The following KCNJ6 variants were observed in gnomAD, a reference collection of about 807,000 sequenced individuals.
KCNJ6 encodes the protein G protein-activated inward rectifier potassium channel 2.
Under a neutral mutation model 34.2 loss-of-function variants are expected in KCNJ6, and 9 were observed. The observed-to-expected ratio is 0.26, with a 90% CI of 0.16 to 0.46. KCNJ6 has a LOEUF of 0.46. Among genes scored for constraint, KCNJ6 ranks in the 20% least tolerant of loss-of-function variants. KCNJ6 has a pLI of 1.00. For missense variants in KCNJ6, 236 were observed against 531.3 expected, an observed-to-expected ratio of 0.44 and a Z score of 5.46; for synonymous variants, 196 against 207.1, an observed-to-expected ratio of 0.95 and a Z score of 0.46.
At position 37,729,335 on chromosome 21, in the gene KCNJ6, G is replaced by T. The variant is rs377737689; in HGVS notation, c.26-14204C>A. ...CAATACCCTGATTCTTCTTCTTTTT[G>T]GGGGGGGGGGCAGGGTCTCACTCTG... On this transcript the variant is annotated intron_variant, in intron 2 of 3. Coordinates refer to ENST00000609713, the MANE Select transcript of KCNJ6 (RefSeq NM_002240.5). Among the ~76,000 whole-genome samples the T allele has an allele frequency of 2.5e-4, 12 of 47,488 alleles. No homozygotes were observed. In the Middle Eastern group the frequency reaches 0.03, roughly 119 times the overall value. 31.2% of individuals were successfully genotyped at this position (47,488 alleles called of 152,430 possible).
At chr21:37,702,480 CATTT>C (rs1403080625) in intron 3 of KCNJ6, among the ~76,000 whole-genome samples, 9 of 152,080 alleles carry the variant, frequency 5.9e-5, no homozygotes, top group Non-Finnish European at 1.3e-4. Context: ...CTCAGGATAA[CATTT>C]ATGGCCCTGG....
intron 1 of KCNJ6, among the ~76,000 whole-genome samples, chr21:37,885,792 C>A (rs937951316): frequency 2.0e-5 from 3 of 152,210 alleles, no homozygotes; most frequent in Admixed American, 2.0e-4. Flanking sequence ...CAAAGCCCAG[C>A]CAAGCCTGCA....
chr21:37,745,202 C>A (rs2054962040), intron 2 of KCNJ6, among the ~76,000 whole-genome samples: 1 of 151,022 alleles, frequency 6.6e-6, no homozygotes, highest in Non-Finnish European at 1.5e-5. Flanking sequence ...TCAAGTGATA[C>A]TCCTGCCTCA....
At chr21:37,729,148 C>T (rs1176494656) in intron 2 of KCNJ6, among the ~76,000 whole-genome samples, 1 of 152,132 alleles carries the variant, frequency 6.6e-6, no homozygotes, top group Non-Finnish European at 1.5e-5. Flanking sequence ...AGCTTGGGGA[C>T]CCCACAATGT....
At chr21:37,721,980 C>T (rs565708311) in intron 2 of KCNJ6, among the ~76,000 whole-genome samples, 6 of 151,900 alleles carry the variant, frequency 3.9e-5, no homozygotes, top group African/African-American at 1.2e-4. Flanking sequence ...TAAAGTACAT[C>T]CAAATAGGAA....
intron 2 of KCNJ6, among the ~76,000 whole-genome samples, chr21:37,829,962 C>A (rs1272143582): frequency 6.6e-6 from 1 of 152,234 alleles, no homozygotes; most frequent in Non-Finnish European, 1.5e-5. Context: ...AAGAATGACA[C>A]TCTCGTTCCA....
At chr21:37,818,709 A>G (rs1166854412) in intron 2 of KCNJ6, among the ~76,000 whole-genome samples, 1 of 152,246 alleles carries the variant, frequency 6.6e-6, no homozygotes, top group Non-Finnish European at 1.5e-5. Flanking sequence ...ATTCACTGAG[A>G]AAACAGAAGT....
chr21:37,679,025 T>C (rs1424922041), intron 3 of KCNJ6, among the ~76,000 whole-genome samples: 1 of 152,228 alleles, frequency 6.6e-6, no homozygotes, highest in African/African-American at 2.4e-5. Flanking sequence ...GGGTTTTCTC[T>C]TTCTCTCTGG....
intron 1 of KCNJ6, among the ~76,000 whole-genome samples, chr21:37,909,283 T>G (rs1039944976): frequency 6.6e-6 from 1 of 152,208 alleles, no homozygotes; most frequent in Non-Finnish European, 1.5e-5. Context: ...CATCAAGAAC[T>G]GAAGTTAATG....
chr21:37,915,472 A>C (rs1347209120), intron 1 of KCNJ6, among the ~76,000 whole-genome samples: 1 of 152,212 alleles, frequency 6.6e-6, no homozygotes, highest in Non-Finnish European at 1.5e-5. Flanking sequence ...CAGAACAAGA[A>C]GACTGCCTTC....
intron 1 of KCNJ6, among the ~76,000 whole-genome samples, chr21:37,903,552 A>T (rs975522717): frequency 1.3e-5 from 2 of 152,152 alleles, no homozygotes; most frequent in African/African-American, 4.8e-5. Flanking sequence ...GAGTGATTGG[A>T]TCTGTTTTGT....
intron 3 of KCNJ6, among the ~76,000 whole-genome samples, chr21:37,638,663 T>C (rs1047002489): frequency 6.6e-6 from 1 of 152,218 alleles, no homozygotes; most frequent in Admixed American, 6.5e-5. Context: ...TTACCTCATC[T>C]TCCACACAAA....
chr21:37,818,211 CGTGTGTGTGTGTGTGTGT>C (rs10539396), intron 2 of KCNJ6, among the ~76,000 whole-genome samples: 1 of 148,330 alleles, frequency 6.7e-6, no homozygotes, highest in East Asian at 2.0e-4. Flanking sequence ...TGTGTGCGTG[CGTGTGTGTGTGTGTGTGT>C]GTGTGTGTGT....
intron 1 of KCNJ6, among the ~76,000 whole-genome samples, chr21:37,884,769 G>T (rs972757850): frequency 6.6e-5 from 10 of 152,310 alleles, no homozygotes; most frequent in African/African-American, 2.2e-4. Context: ...GGCAGACACT[G>T]GGCTGAGAGC....
intron 1 of KCNJ6, among the ~76,000 whole-genome samples, chr21:37,863,353 A>G (rs1001085583): frequency 2.0e-5 from 3 of 152,168 alleles, no homozygotes; most frequent in Non-Finnish European, 4.4e-5. Context: ...CTTTGCCCAT[A>G]TGCTATACCC....
chr21:37,750,654 CTCTCA>C (rs1233081900), intron 2 of KCNJ6, among the ~76,000 whole-genome samples: 4 of 152,084 alleles, frequency 2.6e-5, no homozygotes, highest in Admixed American at 2.0e-4. Context: ...CACATGTTCT[CTCTCA>C]TAAGTGGGAG....
Position 37,667,612 on chromosome 21 carries a change from C to T in KCNJ6, c.947-42128G>A, listed in dbSNP as rs550674270. Among the ~76,000 whole-genome samples the T allele has an allele frequency of 1.5e-3, 213 of 143,978 alleles. 1 individual carries two copies. The highest frequency in any genetic ancestry group is 3.6e-3 in the Middle Eastern group (1 of 280). 94.5% of individuals were successfully genotyped at this position (143,978 alleles called of 152,430 possible). On this transcript the variant is annotated intron_variant, in intron 3 of 3. Transcript: ENST00000609713. ...GTAGCAGGAGCCAGGGTAGCGGGGT[C>T]TGGGGTAGCAGGCACCGGGGTAGCA...
intron 3 of KCNJ6, among the ~76,000 whole-genome samples, chr21:37,669,082 C>G (rs2054530268): frequency 6.6e-6 from 1 of 152,126 alleles, no homozygotes; most frequent in African/African-American, 2.4e-5. Context: ...TAACAAGAAC[C>G]CTGGTCTCCA....
At chr21:37,855,574 A>T (rs1390944500) in intron 1 of KCNJ6, among the ~76,000 whole-genome samples, 2 of 150,848 alleles carry the variant, frequency 1.3e-5, no homozygotes, top group African/African-American at 4.9e-5. Context: ...GAGCAGAAAA[A>T]ATAGCTTTCC....
Sources: gnomAD v4.1 joint callset for allele counts (sites outside exome capture counted in the v4.1 genomes callset) on GRCh38, gnomAD v4.1.1 for gene constraint, MANE v1.5 for transcripts, NCBI Gene and HGNC (gene_info 2026-07-23, HGNC 2026-07-21) for gene names.